The following FER variants were observed in gnomAD, a reference collection of about 807,000 sequenced individuals.
The protein encoded by FER is FER tyrosine kinase.
Under a neutral mutation model 111.0 loss-of-function variants are expected in FER, and 63 were observed. The ratio of observed to expected loss-of-function variants is 0.57; its 90% confidence interval spans 0.46 to 0.70. FER has a LOEUF of 0.70. FER is among the 30% of genes least tolerant of loss of function. The pLI is 0.00. For synonymous variants in FER, 327 were observed against 313.9 expected, an observed-to-expected ratio of 1.04 and a Z score of -0.44; for missense variants, 914 against 954.0, an observed-to-expected ratio of 0.96 and a Z score of 0.55.
intron 13 of FER, among the ~76,000 whole-genome samples, chr5:109,019,580 G>C (rs1767656956): frequency 6.6e-6 from 1 of 151,710 alleles, no homozygotes; most frequent in Non-Finnish European, 1.5e-5. Context: ...CAAATTATTG[G>C]TTCCTATGCC....
intron 5 of FER, among the ~76,000 whole-genome samples, chr5:108,845,063 T>TAC (rs1561503527): frequency 3.3e-4 from 20 of 60,886 alleles, no homozygotes; most frequent in African/African-American, 5.0e-4. Flanking sequence ...TATATATATA[T>TAC]ATATACACAC....
At chr5:108,817,868 T>C (rs1758441271) in intron 3 of FER, among the ~76,000 whole-genome samples, 1 of 152,202 alleles carries the variant, frequency 6.6e-6, no homozygotes, top group African/African-American at 2.4e-5. Context: ...ATATCATGTA[T>C]TAATCTTAGT....
chr5:109,183,245 C>T (rs900260362), intron 18 of FER, among the ~76,000 whole-genome samples: 80 of 74,828 alleles, frequency 1.1e-3, no homozygotes, highest in African/African-American at 3.5e-3. Context: ...TAAATCCTAG[C>T]GTGTTTTTTT....
At position 108,835,703 on chromosome 5, in the gene FER, G is replaced by T; in HGVS notation, c.382-5G>T. ...ATACATTTATGCATTTTGTTTCTTT[G>T]ACAGGTTACCAAAACAGAATTGGAG... is the stretch of plus-strand genomic sequence containing the variant. On this transcript the variant is annotated splice_polypyrimidine_tract_variant and splice_region_variant and intron_variant, in intron 4 of 19. Transcript: ENST00000281092. 1.3e-6 allele frequency: 2 copies of T among 1,539,440 alleles called. No homozygotes were observed. The highest frequency in any genetic ancestry group is 2.5e-5 in the South Asian group (2 of 81,468).
intron 3 of FER, among the ~76,000 whole-genome samples, chr5:108,812,134 A>T: frequency 6.6e-6 from 1 of 152,208 alleles, no homozygotes. Context: ...ATCTCCCACT[A>T]TAACTGTGAA....
chr5:109,147,798 TATAG>T (rs1236483455), intron 17 of FER, among the ~76,000 whole-genome samples: 169 of 116,680 alleles, frequency 1.4e-3, no homozygotes, highest in African/African-American at 3.8e-3. Context: ...TATATATATA[TATAG>T]AGAGAGAGAG....
chr5:109,158,270 T>C (rs912061810), intron 17 of FER, among the ~76,000 whole-genome samples: 4 of 151,656 alleles, frequency 2.6e-5, no homozygotes, highest in African/African-American at 9.7e-5. Flanking sequence ...GTAGGTCCCA[T>C]ATACTGGGGG....
At chr5:109,106,326 G>A (rs1748920732) in intron 17 of FER, among the ~76,000 whole-genome samples, 2 of 147,026 alleles carry the variant, frequency 1.4e-5, no homozygotes, top group African/African-American at 5.5e-5. Flanking sequence ...TTTTGTTGTT[G>A]CTTCTCTATT....
chr5:108,996,643 A>G (rs112953420), intron 13 of FER, among the ~76,000 whole-genome samples: 28,153 of 152,184 alleles, frequency 0.18, 2,816 homozygotes, highest in Non-Finnish European at 0.22. Context: ...TACCAGTACC[A>G]TGCTGTTTTG....
At chr5:109,012,523 G>A (rs567829391) in intron 13 of FER, among the ~76,000 whole-genome samples, 9 of 152,244 alleles carry the variant, frequency 5.9e-5, no homozygotes, top group African/African-American at 2.2e-4. Context: ...TTGTTTCAAA[G>A]TAAAAGCTTT....
chr5:109,123,528 T>G (rs1176721553), intron 17 of FER, among the ~76,000 whole-genome samples: 2 of 152,094 alleles, frequency 1.3e-5, no homozygotes, highest in Non-Finnish European at 2.9e-5. Flanking sequence ...TTGCTTTTTA[T>G]TTTTTTGTAT....
intron 17 of FER, among the ~76,000 whole-genome samples, chr5:109,171,296 T>C (rs909189989): frequency 2.0e-5 from 3 of 152,136 alleles, no homozygotes; most frequent in African/African-American, 4.8e-5. Flanking sequence ...CAGGAAAATA[T>C]GGAACACATA....
chr5:108,910,629 G>A (rs967431858), intron 10 of FER, among the ~76,000 whole-genome samples: 1 of 151,774 alleles, frequency 6.6e-6, no homozygotes, highest in Non-Finnish European at 1.5e-5. Context: ...AACCCCCTCC[G>A]CTTCTCCCAC....
intron 17 of FER, among the ~76,000 whole-genome samples, chr5:109,145,341 C>T (rs1753968494): frequency 6.6e-6 from 1 of 152,076 alleles, no homozygotes; most frequent in Admixed American, 6.6e-5. Flanking sequence ...CAAAATAGCA[C>T]AGTCATCTTC....
chr5:108,856,558 A>G (rs1362160543), intron 5 of FER, among the ~76,000 whole-genome samples: 2 of 152,186 alleles, frequency 1.3e-5, no homozygotes, highest in East Asian at 1.9e-4. Flanking sequence ...TGATACAGTC[A>G]TATCCTAACA....
At chr5:108,939,588 G>A (rs558820788) in intron 10 of FER, among the ~76,000 whole-genome samples, 26 of 152,194 alleles carry the variant, frequency 1.7e-4, no homozygotes, top group African/African-American at 6.0e-4. Flanking sequence ...TTCTCTCAGA[G>A]AGGCTGAGGA....
chr5:109,027,566 G>C (rs1382300450), intron 13 of FER, among the ~76,000 whole-genome samples: 1 of 152,012 alleles, frequency 6.6e-6, no homozygotes, highest in Non-Finnish European at 1.5e-5. Context: ...ACTTGAGATC[G>C]AATTTCAAAT....
intron 14 of FER, among the ~76,000 whole-genome samples, chr5:109,042,505 T>A (rs1490304006): frequency 6.6e-6 from 1 of 152,190 alleles, no homozygotes; most frequent in African/African-American, 2.4e-5. Context: ...TTTCTCAGTG[T>A]CTGAAGACTG....
chr5:108,960,323 G>A (rs1758974963), intron 13 of FER, among the ~76,000 whole-genome samples: 1 of 152,184 alleles, frequency 6.6e-6, no homozygotes, highest in South Asian at 2.1e-4. Flanking sequence ...AGTCTTCACT[G>A]AGAGGGTGAC....
Sources: allele counts gnomAD v4.1 joint callset (sites outside exome capture counted in the v4.1 genomes callset), GRCh38; gene constraint gnomAD v4.1.1; transcripts MANE v1.5; gene names NCBI Gene and HGNC (gene_info 2026-07-23, HGNC 2026-07-21).